Variants in SPOCK3 observed in about 807,000 individuals in gnomAD.
The protein encoded by SPOCK3 is SPARC (osteonectin), cwcv and kazal like domains proteoglycan 3, also known as testican-3.
SPOCK3 carries 30 observed loss-of-function variants against 56.6 expected under a neutral mutation model. The ratio of observed to expected loss-of-function variants is 0.53; its 90% CI spans 0.40 to 0.72. SPOCK3 has a LOEUF of 0.72. Among genes scored for constraint, SPOCK3 ranks in the 30% least tolerant of loss-of-function variants. The pLI, the probability that SPOCK3 is intolerant of heterozygous loss-of-function variation, is 0.00. For missense variants in SPOCK3, 527 were observed against 530.0 expected (o/e 0.99, Z 0.06); for synonymous variants, 196 against 183.3 (o/e 1.07, Z -0.56).
chr4:167,157,141 C>T (rs1764882147), intron 2 of SPOCK3, among the ~76,000 whole-genome samples: 1 of 151,750 alleles, frequency 6.6e-6, no homozygotes, highest in Non-Finnish European at 1.5e-5. Context: ...ATCTATGAAA[C>T]AGATTATGAA....
intron 2 of SPOCK3, among the ~76,000 whole-genome samples, chr4:167,188,744 C>T (rs983100145): frequency 6.9e-6 from 1 of 145,674 alleles, no homozygotes; most frequent in Admixed American, 7.0e-5. Flanking sequence ...GCCACAGTTG[C>T]TAATATAAAG....
At chr4:167,124,687 T>G (rs1380445096) in intron 2 of SPOCK3, among the ~76,000 whole-genome samples, 1 of 152,182 alleles carries the variant, frequency 6.6e-6, no homozygotes, top group Non-Finnish European at 1.5e-5. Flanking sequence ...TTTCTACAAA[T>G]TAAACTGAAT....
At chr4:167,103,739 CA>C (rs1173353716) in intron 2 of SPOCK3, among the ~76,000 whole-genome samples, 1 of 152,136 alleles carries the variant, frequency 6.6e-6, no homozygotes. Context: ...GGACCTTGAG[CA>C]AACATAGGCA....
chr4:166,776,100 G>A (rs1361933466), intron 7 of SPOCK3, among the ~76,000 whole-genome samples: 1 of 152,146 alleles, frequency 6.6e-6, no homozygotes, highest in East Asian at 1.9e-4. Flanking sequence ...GGGACAGAAG[G>A]AGAGGAGGAA....
At chr4:167,198,934 T>C (rs1349592614) in intron 2 of SPOCK3, among the ~76,000 whole-genome samples, 1 of 152,042 alleles carries the variant, frequency 6.6e-6, no homozygotes, top group East Asian at 1.9e-4. Context: ...CCAGAAAACA[T>C]ATTAGGTAGT....
intron 6 of SPOCK3, among the ~76,000 whole-genome samples, chr4:166,820,535 T>C (rs1023809315): frequency 6.6e-6 from 1 of 151,974 alleles, no homozygotes; most frequent in Admixed American, 6.6e-5. Flanking sequence ...AAACATTAAC[T>C]TAAAGCGAGT....
chr4:167,168,222 C>T (rs985980123), intron 2 of SPOCK3, among the ~76,000 whole-genome samples: 9 of 152,000 alleles, frequency 5.9e-5, no homozygotes, highest in East Asian at 1.9e-4. Context: ...TGGTAGAGTG[C>T]GGTGCTGCTG....
intron 8 of SPOCK3, among the ~76,000 whole-genome samples, chr4:166,749,748 C>A (rs1736132853): frequency 1.3e-5 from 2 of 151,828 alleles, no homozygotes; most frequent in South Asian, 4.2e-4. Context: ...TCCAATTGAT[C>A]CCTTTGTTAT....
chr4:166,857,969 T>C (rs537823112), intron 6 of SPOCK3, among the ~76,000 whole-genome samples: 3 of 152,322 alleles, frequency 2.0e-5, no homozygotes, highest in Admixed American at 6.5e-5. Flanking sequence ...AAAGTAAAAC[T>C]AACCCTGGCC....
At chr4:167,201,318 TTGA>T (rs1321779279) in intron 2 of SPOCK3, among the ~76,000 whole-genome samples, 3 of 151,990 alleles carry the variant, frequency 2.0e-5, no homozygotes, top group African/African-American at 4.8e-5. Flanking sequence ...ATGATGATGA[TTGA>T]TGATAATATT....
At chr4:166,814,487 C>T (rs1744186262) in intron 6 of SPOCK3, among the ~76,000 whole-genome samples, 2 of 152,094 alleles carry the variant, frequency 1.3e-5, no homozygotes. Flanking sequence ...TAGAACAAAG[C>T]AGGTAGGAAA....
chr4:167,021,970 T>A (rs1751230179), intron 3 of SPOCK3, among the ~76,000 whole-genome samples: 1 of 152,092 alleles, frequency 6.6e-6, no homozygotes, highest in Non-Finnish European at 1.5e-5. Context: ...ACTACCTCTA[T>A]AACTTAGTAA....
chr4:166,767,351 C>T (rs1232813735), intron 7 of SPOCK3, among the ~76,000 whole-genome samples: 1 of 152,084 alleles, frequency 6.6e-6, no homozygotes, highest in Non-Finnish European at 1.5e-5. Context: ...CCTCTCCACA[C>T]TGCTTTAAAT....
intron 3 of SPOCK3, among the ~76,000 whole-genome samples, chr4:167,023,948 G>A (rs1018331213): frequency 1.3e-5 from 2 of 151,990 alleles, no homozygotes; most frequent in Non-Finnish European, 2.9e-5. Flanking sequence ...TTATTGGTGG[G>A]CAGAGGCAGA....
intron 2 of SPOCK3, among the ~76,000 whole-genome samples, chr4:167,069,405 C>A (rs1326713518): frequency 6.6e-6 from 1 of 151,932 alleles, no homozygotes; most frequent in African/African-American, 2.4e-5. Context: ...ATCCATTTTA[C>A]TGCCATCACT....
chr4:166,830,856 A>G (rs1279530623), intron 6 of SPOCK3, among the ~76,000 whole-genome samples: 2 of 152,200 alleles, frequency 1.3e-5, no homozygotes, highest in Admixed American at 6.5e-5. Context: ...AAAAAGCTAG[A>G]GAACTTCCTC....
At chr4:167,151,641 T>C (rs961861258) in intron 2 of SPOCK3, among the ~76,000 whole-genome samples, 4 of 151,910 alleles carry the variant, frequency 2.6e-5, no homozygotes, top group Non-Finnish European at 2.9e-5. Context: ...TTCACTATGT[T>C]AGCCAGGATG....
At chr4:167,085,706 T>C (rs1758131378) in intron 2 of SPOCK3, among the ~76,000 whole-genome samples, 1 of 152,140 alleles carries the variant, frequency 6.6e-6, no homozygotes, top group South Asian at 2.1e-4. Flanking sequence ...TGTAAAACTT[T>C]CCTTCATCAT....
intron 7 of SPOCK3, among the ~76,000 whole-genome samples, chr4:166,765,417 T>C (rs549039336): frequency 1.3e-5 from 2 of 152,228 alleles, no homozygotes; most frequent in Non-Finnish European, 2.9e-5. Flanking sequence ...CTAGCCAGTT[T>C]TCCCAGCACC....
Sources: gnomAD v4.1 joint callset for allele counts (sites outside exome capture counted in the v4.1 genomes callset) on GRCh38, gnomAD v4.1.1 for gene constraint, MANE v1.5 for transcripts, NCBI Gene and HGNC (gene_info 2026-07-23, HGNC 2026-07-21) for gene names.